Variants in LPXN observed in about 807,000 individuals in gnomAD.
The protein encoded by LPXN is leupaxin.
Under a neutral mutation model 45.6 loss-of-function variants are expected in LPXN, and 28 were observed. The observed-to-expected ratio is 0.61, with a 90% CI of 0.45 to 0.84. The LOEUF is 0.84. Among genes scored for constraint, LPXN ranks in the 40% least tolerant of loss-of-function variants. The pLI is 0.00. For synonymous variants in LPXN, 166 were observed against 169.9 expected, an observed-to-expected ratio of 0.98 and a Z score of 0.18; for missense variants, 459 against 475.0, an observed-to-expected ratio of 0.97 and a Z score of 0.31.
At chr11:58,550,604 C>G (rs1365832662) in intron 5 of LPXN, among the ~76,000 whole-genome samples, 1 of 149,162 alleles carries the variant, frequency 6.7e-6, no homozygotes, top group East Asian at 1.9e-4. Flanking sequence ...AAGGACGATG[C>G]AGAACAGGAG....
At chr11:58,564,030 AGAG>A in intron 3 of LPXN, 122 bp downstream of exon 3, 1 of 628,228 alleles carries the variant, frequency 1.6e-6, no homozygotes, top group South Asian at 2.0e-5. Flanking sequence ...GACTATGGAA[AGAG>A]GAGGATGATA....
intron 7 of LPXN, among the ~76,000 whole-genome samples, chr11:58,537,108 C>T (rs1452386478): frequency 6.6e-6 from 1 of 152,164 alleles, no homozygotes; most frequent in Non-Finnish European, 1.5e-5. Context: ...TGTGGTGATT[C>T]CTCAAGGATC....
At chr11:58,556,243 A>G (rs1341842084) in intron 3 of LPXN, among the ~76,000 whole-genome samples, 2 of 152,108 alleles carry the variant, frequency 1.3e-5, no homozygotes, top group African/African-American at 4.8e-5. Context: ...AAAATTAGGA[A>G]AAAGATTAAT....
At position 58,564,099 on chromosome 11, in the gene LPXN, A is replaced by G. The variant is rs1854458145; in HGVS notation, c.218+56T>C. The stretch of plus-strand genomic sequence containing the variant: ...CAAATTATCACCCAAACAAAGATTG[A>G]TAACAATTATCTACTAACTTTAATT... On this transcript the variant is annotated intron_variant, in intron 3 of 8. Coordinates refer to ENST00000395074, the MANE Select transcript of LPXN (RefSeq NM_004811.3). The G allele has an allele frequency of 1.9e-5, 21 of 1,079,994 alleles. No individual in the cohort carries two copies. The South Asian group carries it at 2.7e-4, about 14-fold the overall frequency. The allele number at this position is 1,079,994 out of a possible 1,614,324, so 66.9% of individuals were successfully genotyped here.
intron 7 of LPXN, among the ~76,000 whole-genome samples, chr11:58,534,157 C>T (rs1853479166): frequency 6.6e-6 from 1 of 152,174 alleles, no homozygotes; most frequent in Non-Finnish European, 1.5e-5. Context: ...TTGAACTCAG[C>T]TCTTGGCCAA....
At chr11:58,541,845 A>G (rs921966125) in intron 7 of LPXN, among the ~76,000 whole-genome samples, 173 of 152,262 alleles carry the variant, frequency 1.1e-3, no homozygotes, top group African/African-American at 4.1e-3. Context: ...ATACACCATG[A>G]AATACTGTGC....
At chr11:58,578,287 G>A, upstream of LPXN, 1 of 422,264 alleles carries the variant, frequency 2.4e-6, no homozygotes, top group Non-Finnish European at 4.3e-6. Flanking sequence ...CTAGACTGCG[G>A]AAAGTAAACT....
intron 7 of LPXN, among the ~76,000 whole-genome samples, chr11:58,544,102 C>A (rs1853811512): frequency 6.6e-6 from 1 of 152,136 alleles, no homozygotes. Flanking sequence ...TTCCTCTAAA[C>A]CCCTGAGACA....
intron 2 of LPXN, among the ~76,000 whole-genome samples, chr11:58,567,399 T>G (rs1459836904): frequency 6.6e-6 from 1 of 152,224 alleles, no homozygotes; most frequent in African/African-American, 2.4e-5. Flanking sequence ...AATTAATACA[T>G]TTTTGAATTG....
intron 7 of LPXN, among the ~76,000 whole-genome samples, chr11:58,535,634 A>G (rs1853528404): frequency 1.3e-5 from 2 of 152,130 alleles, no homozygotes; most frequent in African/African-American, 2.4e-5. Flanking sequence ...GTCTCTCACC[A>G]CTCATATTCA....
At chr11:58,535,130 A>G (rs1309329033) in intron 7 of LPXN, among the ~76,000 whole-genome samples, 1 of 152,220 alleles carries the variant, frequency 6.6e-6, no homozygotes, top group South Asian at 2.1e-4. Flanking sequence ...AAATTATTCC[A>G]AACAATAGAA....
intron 3 of LPXN, among the ~76,000 whole-genome samples, chr11:58,555,729 TAGC>T (rs1854180913): frequency 6.9e-6 from 1 of 145,470 alleles, no homozygotes; most frequent in Non-Finnish European, 1.5e-5. Context: ...CAGTTAGAAA[TAGC>T]AATGAAAACA....
chr11:58,559,312 C>T (rs769618738), intron 3 of LPXN, among the ~76,000 whole-genome samples: 3 of 151,928 alleles, frequency 2.0e-5, no homozygotes, highest in Non-Finnish European at 4.4e-5. Flanking sequence ...GACACATATA[C>T]CACTTGATTG....
chr11:58,530,924 G>A (rs980677115), intron 7 of LPXN, among the ~76,000 whole-genome samples: 5 of 152,136 alleles, frequency 3.3e-5, no homozygotes, highest in Admixed American at 1.3e-4. Context: ...GTCTGGAGTC[G>A]ACCTCCAGCA....
chr11:58,535,469 C>T (rs1432351107), intron 7 of LPXN, among the ~76,000 whole-genome samples: 1 of 152,058 alleles, frequency 6.6e-6, no homozygotes, highest in Admixed American at 6.6e-5. Context: ...AAATTTAACA[C>T]CCCTTCATGA....
intron 7 of LPXN, among the ~76,000 whole-genome samples, chr11:58,548,955 G>GA (rs1241350625): frequency 6.6e-6 from 1 of 152,048 alleles, no homozygotes; most frequent in Non-Finnish European, 1.5e-5. Flanking sequence ...ATTATATATT[G>GA]AAAAAACAGG....
chr11:58,530,015 G>A (rs1853340347), intron 7 of LPXN, among the ~76,000 whole-genome samples: 1 of 152,230 alleles, frequency 6.6e-6, no homozygotes, highest in Non-Finnish European at 1.5e-5. Context: ...CAGATACTGT[G>A]CTTTTCCCAT....
chr11:58,531,989 G>A (rs1000815259), intron 7 of LPXN, among the ~76,000 whole-genome samples: 37 of 152,360 alleles, frequency 2.4e-4, no homozygotes, highest in Middle Eastern at 3.4e-3. Context: ...TGCGGTGCTC[G>A]TGGGCCAGCA....
chr11:58,564,333 G>A, intron 2 of LPXN, 132 bp from the exon 3 acceptor site: 1 of 654,176 alleles, frequency 1.5e-6, no homozygotes, highest in South Asian at 1.8e-5. Context: ...ATATCTATGA[G>A]CTCTTCTTTC....
Sources: gnomAD v4.1 joint callset for allele counts (sites outside exome capture counted in the v4.1 genomes callset) on GRCh38, gnomAD v4.1.1 for gene constraint, MANE v1.5 for transcripts, NCBI Gene and HGNC (gene_info 2026-07-23, HGNC 2026-07-21) for gene names.